The following FLNB variants were observed in gnomAD, a reference collection of about 807,000 sequenced individuals.
The protein encoded by FLNB is filamin B.
A neutral mutation model predicts 250.6 loss-of-function variants in FLNB; 111 were observed. That is an observed-to-expected ratio of 0.44 (90% confidence interval 0.38 to 0.52). The LOEUF (loss-of-function observed/expected upper bound fraction) is 0.52, where lower values mean the gene tolerates loss of function less well. FLNB is among the 20% of genes least tolerant of loss of function. FLNB has a pLI of 0.00. For missense variants in FLNB, 2,869 were observed against 3,447.8 expected (o/e 0.83, Z 4.20); for synonymous variants, 1,302 against 1,372.1 (o/e 0.95, Z 1.13).
rs561921741 is a variant in FLNB at position 58,168,677 on chromosome 3, C to T, written c.7417+19C>T. On this transcript the variant is annotated intron_variant, in intron 44 of 45. Transcript: ENST00000295956. The stretch of plus-strand genomic sequence containing the variant: ...GTGACAGGTAACGAACAACCACCTT[C>T]GGAGTTACTCTCCCTTCCTGGGGAG... 5.2e-6 allele frequency: 8 copies of T among 1,550,314 alleles called. No homozygotes were observed. The highest frequency in any genetic ancestry group is 7.1e-6 in the Non-Finnish European group (8 of 1,123,116).
chr3:58,145,129 G>A (rs570475884), intron 32 of FLNB, among the ~76,000 whole-genome samples: 47 of 152,324 alleles, frequency 3.1e-4, no homozygotes, highest in African/African-American at 1.1e-3. Flanking sequence ...CAGATGGAGA[G>A]AGAGGAAAAA....
At chr3:58,150,942 T>G (rs2097343784) in intron 38 of FLNB, 1 of 153,590 alleles carries the variant, frequency 6.5e-6, no homozygotes. Context: ...CTTTCTACAC[T>G]GCATCTCCCA....
chr3:58,086,139 G>A (rs1465926549), intron 4 of FLNB, among the ~76,000 whole-genome samples: 1 of 149,856 alleles, frequency 6.7e-6, no homozygotes, highest in African/African-American at 2.5e-5. Flanking sequence ...CGGACCACAG[G>A]TGTGCACCAC....
intron 22 of FLNB, 28 bp from the exon 23 acceptor site, chr3:58,125,553 A>G: frequency 6.2e-7 from 1 of 1,613,060 alleles, no homozygotes; most frequent in South Asian, 1.1e-5. Flanking sequence ...GTATGCAAAT[A>G]TGCGTTTCTG....
chr3:58,008,836 G>T lies in FLNB; in HGVS notation c.272G>T (p.Ser91Ile). The T allele has an allele frequency of 6.2e-7, 1 of 1,613,854 alleles. No homozygotes were observed. The highest frequency in any genetic ancestry group is 8.5e-7 in the Non-Finnish European group (1 of 1,180,016). Residue 91 changes from serine (S) to isoleucine (I), a missense_variant, in exon 1 of 46, where the codon AGC (serine) becomes ATC (isoleucine). Ser to Ile is a moderately radical substitution (Grantham distance 142). This residue lies in a region of FLNB where 308 missense variants were observed against 466.1 expected (regional missense o/e 0.66). Transcript: ENST00000295956. ...GCGCTCGAGTTCCTGGACCGTGAGA[G>T]CATCAAGCTCGTGTCCATCGGTGAG... ...SVALEFLDRE[S>I]IKLVSIDSKA...
intron 28 of FLNB, among the ~76,000 whole-genome samples, chr3:58,137,851 C>T (rs2097319227): frequency 6.6e-6 from 1 of 152,178 alleles, no homozygotes; most frequent in South Asian, 2.1e-4. Context: ...GTTATTTTTT[C>T]TGTAACTTAG....
At chr3:58,095,221 T>TTATG (rs200323370) in intron 5 of FLNB, among the ~76,000 whole-genome samples, 26 of 150,906 alleles carry the variant, frequency 1.7e-4, no homozygotes, top group Middle Eastern at 3.4e-3. Context: ...CAGTTGAGGT[T>TTATG]TATGTATGTA....
intron 7 of FLNB, 66 bp from the exon 8 acceptor site, chr3:58,098,645 G>A (rs2107061712): frequency 6.6e-7 from 1 of 1,505,980 alleles, no homozygotes; most frequent in Non-Finnish European, 9.2e-7. Flanking sequence ...TTTGCATTTT[G>A]CACTCAGCAG....
rs1199363175 is a variant in FLNB at position 58,124,489 on chromosome 3, C to T, written c.3882C>T (p.Tyr1294=). ...DNADGTYQVE[Y]TPFEKGLHVV... is the part of the protein sequence containing the mutation. ...CGGATGGGACCTACCAGGTGGAATA[C>T]ACACCCTTTGAGAAAGGTGAGCCGC... The change falls in exon 22 of 46, where the codon TAC becomes TAT. Residue 1294 remains tyrosine (Y), a synonymous_variant. Transcript: ENST00000295956. 1.2e-6 allele frequency: 2 copies of T among 1,614,230 alleles called. No homozygotes were observed. Among genetic ancestry groups the T allele is most frequent in the South Asian group, 2.2e-5 (2 of 91,084 alleles).
chr3:58,033,680 T>C (rs2097134075), intron 1 of FLNB, among the ~76,000 whole-genome samples: 1 of 152,048 alleles, frequency 6.6e-6, no homozygotes, highest in South Asian at 2.1e-4. Context: ...CATGAGCCAC[T>C]ACGCCCTGCC....
intron 32 of FLNB, 102 bp from the exon 33 acceptor site, chr3:58,145,819 C>T (rs1301738184): frequency 4.8e-6 from 7 of 1,445,246 alleles, no homozygotes; most frequent in African/African-American, 1.4e-5. Context: ...GCTTAGGAGG[C>T]GCCAGACCTG....
intron 18 of FLNB, among the ~76,000 whole-genome samples, chr3:58,115,337 G>T (rs966102427): frequency 6.6e-6 from 1 of 152,204 alleles, no homozygotes; most frequent in Admixed American, 6.5e-5. Flanking sequence ...GGGATCACAA[G>T]GCCATGACGT....
chr3:58,154,635 T>C (rs2097350593), intron 39 of FLNB, 156 bp from the exon 40 acceptor site: 5 of 705,274 alleles, frequency 7.1e-6, no homozygotes, highest in African/African-American at 1.8e-5. Flanking sequence ...ACTTCAGCAA[T>C]GGACCTTGGA....
chr3:58,124,645 A>G lies in FLNB; in HGVS notation c.3898+140A>G, dbSNP rs1347136347. The G allele has an allele frequency of 7.6e-6, 7 of 925,236 alleles. No individual in the cohort carries two copies. The Admixed American group carries it at 1.4e-4, about 19-fold the overall frequency. 57.3% of individuals were successfully genotyped at this position (925,236 alleles called of 1,614,324 possible). Reference sequence around the variant, plus strand: ...CGTGCAGAGTGACAGAGTGGAAGTCAGCGTCCGCTGCAGTCACCTGCCCAC... The same window carrying G: ...CGTGCAGAGTGACAGAGTGGAAGTCGGCGTCCGCTGCAGTCACCTGCCCAC... On this transcript the variant is annotated intron_variant, in intron 22 of 45. Coordinates refer to ENST00000295956, the MANE Select transcript of FLNB (RefSeq NM_001457.4).
chr3:58,102,369 G>A, intron 9 of FLNB, 29 bp downstream of exon 9: 1 of 1,613,792 alleles, frequency 6.2e-7, no homozygotes, highest in Non-Finnish European at 8.5e-7. Context: ...CTCTATCTCA[G>A]GTGTGGTTTT....
chr3:58,017,627 C>G (rs190684529), intron 1 of FLNB, among the ~76,000 whole-genome samples: 277 of 152,306 alleles, frequency 1.8e-3, no homozygotes, highest in Non-Finnish European at 2.7e-3. Flanking sequence ...CTCCTGCCCT[C>G]TAAGAGCCTT....
At chr3:58,011,503 C>CT (rs977942108) in intron 1 of FLNB, among the ~76,000 whole-genome samples, 2 of 152,182 alleles carry the variant, frequency 1.3e-5, no homozygotes, top group African/African-American at 4.8e-5. Context: ...TTTCCAGCCT[C>CT]TGGAGACCAC....
chr3:58,098,950 A>G, intron 8 of FLNB, 42 bp downstream of exon 8: 1 of 1,556,720 alleles, frequency 6.4e-7, no homozygotes, highest in Non-Finnish European at 8.9e-7. Context: ...CTCATAGGGA[A>G]GCTGACTGCA....
rs377054671 is a variant in FLNB, at chr3:58,112,335, C to T, written c.2745+17C>T. ...ACCCAACAGGTAGGGTCCTTCTCCC[C>T]TCTGCTCCCCTGGCCCCCAGCCAGG... On this transcript the variant is annotated intron_variant, in intron 18 of 45. Transcript: ENST00000295956. 6.2e-7 allele frequency: 1 copy of T among 1,611,642 alleles called. No individual in the cohort carries two copies. The highest frequency in any genetic ancestry group is 1.7e-5 in the Admixed American group (1 of 60,008).
Sources: gnomAD v4.1 joint callset for allele counts (sites outside exome capture counted in the v4.1 genomes callset) on GRCh38, gnomAD v4.1.1 for gene constraint, gnomAD v4.1.1 regional missense constraint, MANE v1.5 for transcripts, NCBI Gene and HGNC (gene_info 2026-07-23, HGNC 2026-07-21) for gene names.